Variants in GALNT18 observed in about 807,000 individuals in gnomAD.
The protein encoded by GALNT18 is polypeptide N-acetylgalactosaminyltransferase 18.
A neutral mutation model predicts 69.5 loss-of-function variants in GALNT18; 44 were observed. The ratio of observed to expected loss-of-function variants is 0.63; its 90% confidence interval spans 0.50 to 0.81. The LOEUF (loss-of-function observed/expected upper bound fraction) is 0.81. Ranked by LOEUF, GALNT18 falls within the 40% of genes least tolerant of loss-of-function variation. The probability of loss-of-function intolerance (pLI) is 0.00; values close to 1 mark genes in which losing one functional copy is unlikely to be tolerated. For synonymous variants in GALNT18, 364 were observed against 318.2 expected (o/e 1.14, Z -1.53); for missense variants, 715 against 810.0 (o/e 0.88, Z 1.42).
intron 1 of GALNT18, among the ~76,000 whole-genome samples, chr11:11,509,962 C>A (rs868318614): frequency 5.9e-5 from 9 of 152,256 alleles, no homozygotes; most frequent in South Asian, 4.1e-4. Context: ...GTCACATCCT[C>A]TGAGAAGCCT....
intron 6 of GALNT18, chr11:11,352,343 G>C: frequency 6.2e-7 from 1 of 1,614,056 alleles, no homozygotes; most frequent in Non-Finnish European, 8.5e-7. Context: ...TGTTGTATTT[G>C]TCAATATAGC....
rs1859392949 is a variant in GALNT18 at position 11,592,925 on chromosome 11, TTC to T, written c.235+28432_235+28433del. Among the ~76,000 whole-genome samples the T allele has an allele frequency of 6.6e-6, 1 of 151,946 alleles. No individual in the cohort carries two copies. Among genetic ancestry groups the T allele is most frequent in the Non-Finnish European group, 1.5e-5 (1 of 68,024 alleles). On this transcript the variant is annotated intron_variant, in intron 1 of 10. Transcript: ENST00000227756. This position sits in a 1 kb window ranked among gnomAD's most constrained non-coding sequence, Gnocchi z 5.9. ...GACGCCCATGCTTCGCGTTGTTTTTTTCTGTTTGTTTTTTGTTTTTGTCTCTG... is the reference window on the plus strand; with the variant it reads ...GACGCCCATGCTTCGCGTTGTTTTTTTGTTTGTTTTTTGTTTTTGTCTCTG...
Position 11,584,704 on chromosome 11 carries a change from C to T in GALNT18, c.235+36655G>A, listed in dbSNP as rs1269179299. On this transcript the variant is annotated intron_variant, in intron 1 of 10. Coordinates refer to ENST00000227756, the MANE Select transcript of GALNT18 (RefSeq NM_198516.3). The surrounding 1 kb of genome is among the most constrained non-coding windows in gnomAD (Gnocchi z 4.1). ...ACACATAAAGCACTTCTGCTGCAGA[C>T]TGAAGTATGAAGGTTGTCTCAAGAG... 6.6e-6 allele frequency among the ~76,000 whole-genome samples: 1 copy of T among 152,170 alleles called. No individual in the cohort carries two copies. The highest frequency in any genetic ancestry group is 1.5e-5 in the Non-Finnish European group (1 of 68,032).
chr11:11,567,800 CT>C (rs1196170606), intron 1 of GALNT18, among the ~76,000 whole-genome samples: 8 of 152,364 alleles, frequency 5.3e-5, no homozygotes, highest in Admixed American at 5.2e-4. Context: ...AAAAGTCTTT[CT>C]GTCTCCAAAG....
At chr11:11,536,000 C>A (rs924322835) in intron 1 of GALNT18, among the ~76,000 whole-genome samples, 1 of 152,180 alleles carries the variant, frequency 6.6e-6, no homozygotes, top group African/African-American at 2.4e-5. Context: ...AGGTCCAAGT[C>A]CTCCACCCAT....
At position 11,383,750 on chromosome 11, in the gene GALNT18, C is replaced by T. The variant is rs1268836816; in HGVS notation, c.596-4486G>A. On this transcript the variant is annotated intron_variant, in intron 3 of 10. Transcript: ENST00000227756. This position sits in a 1 kb window ranked among gnomAD's most constrained non-coding sequence, Gnocchi z 5.2. ...GGTGATTGCATCATGGGGGCAGTTT[C>T]CCACACGCTGTTCTCATGATAGTGA... Among the ~76,000 whole-genome samples, 2 of 152,160 alleles carry T rather than the reference C, an allele frequency of 1.3e-5. No individual in the cohort carries two copies. The highest frequency in any genetic ancestry group is 2.9e-5 in the Non-Finnish European group (2 of 68,028).
intron 1 of GALNT18, among the ~76,000 whole-genome samples, chr11:11,491,314 C>T (rs1564976360): frequency 6.6e-6 from 1 of 152,224 alleles, no homozygotes; most frequent in Non-Finnish European, 1.5e-5. Context: ...ATCCAAGAGC[C>T]ATGAGCAGTG....
intron 2 of GALNT18, among the ~76,000 whole-genome samples, chr11:11,442,150 G>A (rs185013552): frequency 1.3e-5 from 2 of 152,240 alleles, no homozygotes; most frequent in African/African-American, 4.8e-5. Context: ...GCAACTTGAG[G>A]CTGCTCACGT....
rs746835459 is a variant in GALNT18 at position 11,563,070 on chromosome 11, C to A, written c.235+58289G>T. 6.6e-6 allele frequency among the ~76,000 whole-genome samples: 1 copy of A among 152,190 alleles called. No individual in the cohort carries two copies. The highest frequency in any genetic ancestry group is 1.5e-5 in the Non-Finnish European group (1 of 68,040). ...TGGCTTCCCTATATACTTCCACCCC[C>A]ACCCTGCAAACAAGACTCCTCCAGC... On this transcript the variant is annotated intron_variant, in intron 1 of 10. Transcript: ENST00000227756. The surrounding 1 kb of genome is among the most constrained non-coding windows in gnomAD (Gnocchi z 4.6).
At chr11:11,312,226 G>A (rs1162076416) in intron 9 of GALNT18, among the ~76,000 whole-genome samples, 1 of 152,160 alleles carries the variant, frequency 6.6e-6, no homozygotes, top group Non-Finnish European at 1.5e-5. Flanking sequence ...TGGGATTACA[G>A]TCGTGAGCCA....
chr11:11,341,784 CA>C lies in GALNT18; in HGVS notation c.1093-781del, dbSNP rs1171629623. On this transcript the variant is annotated intron_variant, in intron 6 of 10. Coordinates refer to ENST00000227756, the MANE Select transcript of GALNT18 (RefSeq NM_198516.3). This position sits in a 1 kb window ranked among gnomAD's most constrained non-coding sequence, Gnocchi z 6.3. ...TTCTGCTGGTAATTTTAGAATGCCC[CA>C]CTGCCCCCAACTCCTTCTTCAGCTG... 5.7e-4 allele frequency among the ~76,000 whole-genome samples: 86 copies of C among 152,054 alleles called. No individual in the cohort carries two copies. The highest frequency in any genetic ancestry group is 2.0e-3 in the African/African-American group (85 of 41,472).
In GALNT18 at chr11:11,435,091, A is replaced by T. The variant is rs1855367109; in HGVS notation, c.429-2304T>A. The stretch of plus-strand genomic sequence containing the variant: ...AGACAGCTCCCAAGAAGGCCAATGG[A>T]TTGGCACAAGTTCACTGTCCTCCCT... On this transcript the variant is annotated intron_variant, in intron 2 of 10. Transcript: ENST00000227756. This position sits in a 1 kb window ranked among gnomAD's most constrained non-coding sequence, Gnocchi z 4.4. 6.6e-6 allele frequency among the ~76,000 whole-genome samples: 1 copy of T among 152,204 alleles called. No homozygotes were observed.
intron 1 of GALNT18, among the ~76,000 whole-genome samples, chr11:11,576,732 G>C (rs1421302732): frequency 6.6e-6 from 1 of 152,250 alleles, no homozygotes; most frequent in Non-Finnish European, 1.5e-5. Context: ...GCACTAATGA[G>C]ATCGGGGTCT....
chr11:11,415,192 G>T lies in GALNT18; in HGVS notation c.595+17429C>A, dbSNP rs2133763999. On this transcript the variant is annotated intron_variant, in intron 3 of 10. Coordinates refer to ENST00000227756, the MANE Select transcript of GALNT18 (RefSeq NM_198516.3). The surrounding 1 kb of genome is among the most constrained non-coding windows in gnomAD (Gnocchi z 4.1). ...CTAGAGAACACTCTGCTTTCAGAAG[G>T]TTCATGTGATTATGTCAGGCCCAAC... Among the ~76,000 whole-genome samples, 1 of 152,276 alleles carries T rather than the reference G, an allele frequency of 6.6e-6. No individual in the cohort carries two copies. The highest frequency in any genetic ancestry group is 1.9e-4 in the East Asian group (1 of 5,174).
At chr11:11,298,471 G>C (rs770453877) in intron 9 of GALNT18, among the ~76,000 whole-genome samples, 4 of 152,226 alleles carry the variant, frequency 2.6e-5, no homozygotes, top group Non-Finnish European at 4.4e-5. Context: ...CAGGGCCTGT[G>C]GCCCCTTACC....
At chr11:11,481,756 T>G (rs1053598060) in intron 1 of GALNT18, among the ~76,000 whole-genome samples, 11 of 152,074 alleles carry the variant, frequency 7.2e-5, no homozygotes, top group African/African-American at 2.7e-4. Flanking sequence ...AAAGCACAGA[T>G]AGCACGACAG....
At chr11:11,565,765 A>C (rs1858634550) in intron 1 of GALNT18, among the ~76,000 whole-genome samples, 1 of 152,230 alleles carries the variant, frequency 6.6e-6, no homozygotes, top group Non-Finnish European at 1.5e-5. Context: ...GGTCAGTGCT[A>C]CAACATCAGA....
At chr11:11,330,569 C>G (rs1056323492) in intron 8 of GALNT18, among the ~76,000 whole-genome samples, 11 of 152,162 alleles carry the variant, frequency 7.2e-5, no homozygotes, top group Admixed American at 2.0e-4. Flanking sequence ...GAGCCCTCTG[C>G]CAGCTGCAGG....
Position 11,616,192 on chromosome 11 carries a change from A to C in GALNT18, c.235+5167T>G, listed in dbSNP as rs557776676. On this transcript the variant is annotated intron_variant, in intron 1 of 10. Coordinates refer to ENST00000227756, the MANE Select transcript of GALNT18 (RefSeq NM_198516.3). This position sits in a 1 kb window ranked among gnomAD's most constrained non-coding sequence, Gnocchi z 4.4. The stretch of plus-strand genomic sequence containing the variant: ...AGGACACAAATAGTCCCACAAGATA[A>C]AACAAATACCAGGGGTGGGGGAGGA... Among the ~76,000 whole-genome samples the C allele has an allele frequency of 6.6e-6, 1 of 152,312 alleles. No homozygotes were observed. The highest frequency in any genetic ancestry group is 2.1e-4 in the South Asian group (1 of 4,830).
Sources: allele counts gnomAD v4.1 joint callset (sites outside exome capture counted in the v4.1 genomes callset), GRCh38; gene constraint gnomAD v4.1.1; non-coding constraint Gnocchi (gnomAD v3.1); transcripts MANE v1.5; gene names NCBI Gene and HGNC (gene_info 2026-07-23, HGNC 2026-07-21).